Variants in TRAPPC8 observed in about 807,000 individuals in gnomAD.
The protein encoded by TRAPPC8 is trafficking protein particle complex subunit 8.
Under a neutral mutation model 174.3 loss-of-function variants are expected in TRAPPC8, and 54 were observed. The observed-to-expected ratio is 0.31, with a 90% confidence interval of 0.25 to 0.39. The LOEUF (loss-of-function observed/expected upper bound fraction) is 0.39, where lower values mean the gene tolerates loss of function less well. TRAPPC8 is among the 10% of genes least tolerant of loss of function. The pLI, the probability that TRAPPC8 is intolerant of heterozygous loss-of-function variation, is 1.00. For missense variants in TRAPPC8, 1,531 were observed against 1,699.1 expected, an observed-to-expected ratio of 0.90 and a Z score of 1.74; for synonymous variants, 630 against 579.9, an observed-to-expected ratio of 1.09 and a Z score of -1.24.
chr18:31,925,321 A>G (rs754139684), intron 2 of TRAPPC8, among the ~76,000 whole-genome samples: 1 of 152,148 alleles, frequency 6.6e-6, no homozygotes, highest in African/African-American at 2.4e-5. Context: ...TTAAGACACT[A>G]TAACATAAAA....
intron 28 of TRAPPC8, among the ~76,000 whole-genome samples, chr18:31,831,601 C>A (rs1427819485): frequency 1.3e-5 from 2 of 152,064 alleles, no homozygotes; most frequent in Non-Finnish European, 2.9e-5. Context: ...AGTGTCTGTA[C>A]ATGAATGCTT....
At chr18:31,924,668 G>A (rs535378644) in intron 2 of TRAPPC8, among the ~76,000 whole-genome samples, 37 of 148,392 alleles carry the variant, frequency 2.5e-4, no homozygotes, top group African/African-American at 8.0e-4. Context: ...AACCCGGGAC[G>A]TGGAGGTTGC....
rs1038232299 is a variant in TRAPPC8 at position 31,863,321 on chromosome 18, G to A, written c.2745+1306C>T. On this transcript the variant is annotated intron_variant, in intron 19 of 28. Coordinates refer to ENST00000283351, the MANE Select transcript of TRAPPC8 (RefSeq NM_014939.5). ...TGAAGGTTATTTTGTAGTGTATTGC[G>A]AAATTTAAAATTTATATATCTCTCC... Among the ~76,000 whole-genome samples the A allele has an allele frequency of 3.9e-5, 6 of 152,092 alleles. No homozygotes were observed. In the East Asian group the frequency reaches 7.7e-4, roughly 20 times the overall value.
rs983023356 is a variant in TRAPPC8, at chr18:31,862,467, T to C, written c.2745+2160A>G. Among the ~76,000 whole-genome samples, 3 of 152,086 alleles carry C rather than the reference T, an allele frequency of 2.0e-5. 1 individual carries two copies. Among genetic ancestry groups the C allele is most frequent in the South Asian group, 4.1e-4 (2 of 4,830 alleles). ...GGATACTTTCAGAATATTAATATAA[T>C]AGAAAGATGGCATAATGAGTTGCCC... On this transcript the variant is annotated intron_variant, in intron 19 of 28. Transcript: ENST00000283351.
intron 12 of TRAPPC8, among the ~76,000 whole-genome samples, chr18:31,885,834 T>C (rs1598670955): frequency 6.6e-6 from 1 of 151,276 alleles, no homozygotes; most frequent in East Asian, 2.0e-4. Flanking sequence ...CACTCCAGCC[T>C]GGGCAACAAG....
At chr18:31,877,935 AAAAAAAAGTG>A (rs981150178) in intron 12 of TRAPPC8, among the ~76,000 whole-genome samples, 2 of 151,908 alleles carry the variant, frequency 1.3e-5, no homozygotes, top group Non-Finnish European at 2.9e-5. Context: ...AAAAAAAAAA[AAAAAAAAGTG>A]ACCCCATGCC....
intron 3 of TRAPPC8, among the ~76,000 whole-genome samples, chr18:31,917,125 T>C (rs2037182802): frequency 1.4e-5 from 2 of 140,172 alleles, no homozygotes; most frequent in African/African-American, 4.9e-5. Flanking sequence ...CTTTCGTCAG[T>C]AACCGCATTA....
intron 25 of TRAPPC8, among the ~76,000 whole-genome samples, chr18:31,848,883 G>A (rs1460747864): frequency 6.6e-6 from 1 of 152,054 alleles, no homozygotes; most frequent in African/African-American, 2.4e-5. Context: ...TTAACTTTAG[G>A]GAATACTAAT....
intron 1 of TRAPPC8, among the ~76,000 whole-genome samples, chr18:31,941,905 A>T (rs1344272479): frequency 6.6e-6 from 1 of 152,242 alleles, no homozygotes; most frequent in African/African-American, 2.4e-5. Context: ...TCTTAACAAG[A>T]CATTCATTAA....
At chr18:31,844,710 T>G (rs1203164222) in intron 26 of TRAPPC8, 1 of 144,486 alleles carries the variant, frequency 6.9e-6, no homozygotes, top group Non-Finnish European at 1.5e-5. Context: ...AGTGAGACTC[T>G]GTCTCAAAAA....
chr18:31,928,336 T>TACACAC (rs34570497), intron 2 of TRAPPC8, among the ~76,000 whole-genome samples: 13,159 of 142,830 alleles, frequency 0.092, 641 homozygotes, highest in East Asian at 0.16. Context: ...ACCTTATCTC[T>TACACAC]ACACACACAC....
At position 31,917,671 on chromosome 18, in the gene TRAPPC8, A is replaced by C; in HGVS notation, c.353-4T>G. On this transcript the variant is annotated splice_polypyrimidine_tract_variant and splice_region_variant and intron_variant, in intron 2 of 28. Coordinates refer to ENST00000283351, the MANE Select transcript of TRAPPC8 (RefSeq NM_014939.5). ...GACTCAAACCATGGAGTAGTGGCTA[A>C]AATTAACAATATACAAAACAGTTAA... 1 of 1,609,932 alleles carries C rather than the reference A, an allele frequency of 6.2e-7. No homozygotes were observed. Among genetic ancestry groups the C allele is most frequent in the African/African-American group, 1.3e-5 (1 of 74,902 alleles).
intron 1 of TRAPPC8, among the ~76,000 whole-genome samples, chr18:31,941,591 G>A (rs916574737): frequency 2.4e-4 from 36 of 152,084 alleles, no homozygotes; most frequent in African/African-American, 8.2e-4. Context: ...TTTTTGGACA[G>A]CTCCCTCTCT....
chr18:31,938,846 C>T (rs552305609), intron 1 of TRAPPC8, among the ~76,000 whole-genome samples: 35 of 152,196 alleles, frequency 2.3e-4, no homozygotes, highest in African/African-American at 8.4e-4. Context: ...CTTTGGGAGG[C>T]CAAGGCGGGC....
chr18:31,885,732 T>G (rs1173552458), intron 12 of TRAPPC8, among the ~76,000 whole-genome samples: 2 of 151,540 alleles, frequency 1.3e-5, no homozygotes, highest in East Asian at 4.0e-4. Context: ...GCGTGGTGCA[T>G]GCCCGTAATC....
intron 1 of TRAPPC8, among the ~76,000 whole-genome samples, chr18:31,933,015 A>AAAAAAAC: frequency 6.9e-6 from 1 of 144,724 alleles, no homozygotes; most frequent in African/African-American, 2.6e-5. Flanking sequence ...AAAAAAAAAA[A>AAAAAAAC]AAAAAGCCGG....
chr18:31,832,472 A>T (rs914860768), intron 27 of TRAPPC8: 3 of 154,872 alleles, frequency 1.9e-5, no homozygotes, highest in African/African-American at 7.2e-5. Context: ...ACAAAATGAA[A>T]AACAAAATCT....
intron 12 of TRAPPC8, among the ~76,000 whole-genome samples, chr18:31,880,107 ATATATATATATATATT>A (rs1378085770): frequency 1.1e-5 from 1 of 92,590 alleles, no homozygotes; most frequent in East Asian, 2.3e-4. Flanking sequence ...ATATATATAT[ATATATATATATATATT>A]TTTTTTTTTT....
At chr18:31,894,099 T>C (rs554872032) in intron 11 of TRAPPC8, among the ~76,000 whole-genome samples, 12 of 152,192 alleles carry the variant, frequency 7.9e-5, no homozygotes, top group Admixed American at 1.3e-4. Context: ...TGGCCTTCCA[T>C]GGTATTAATT....
Sources: allele counts gnomAD v4.1 joint callset (sites outside exome capture counted in the v4.1 genomes callset), GRCh38; gene constraint gnomAD v4.1.1; transcripts MANE v1.5; gene names NCBI Gene and HGNC (gene_info 2026-07-23, HGNC 2026-07-21).